KCTD1: variants seen among roughly 807,000 people sequenced by gnomAD.
KCTD1 encodes the protein BTB/POZ domain-containing protein KCTD1.
Under a neutral mutation model 66.0 loss-of-function variants are expected in KCTD1, and 24 were observed. That is an observed-to-expected ratio of 0.36 (90% confidence interval 0.26 to 0.51). KCTD1 has a LOEUF of 0.51. Ranked by LOEUF, KCTD1 falls within the 20% of genes least tolerant of loss-of-function variation. KCTD1 has a pLI of 0.95. For synonymous variants in KCTD1, 511 were observed against 517.2 expected, an observed-to-expected ratio of 0.99 and a Z score of 0.16; for missense variants, 943 against 1,205.2, an observed-to-expected ratio of 0.78 and a Z score of 3.22.
chr18:26,541,740 A>G (rs1195459246), intron 1 of KCTD1, among the ~76,000 whole-genome samples: 2 of 152,156 alleles, frequency 1.3e-5, no homozygotes, highest in Non-Finnish European at 2.9e-5. Context: ...TGGGCATTAG[A>G]TAACACAACC....
At chr18:26,523,026 A>T (rs1339737055) in intron 1 of KCTD1, among the ~76,000 whole-genome samples, 1 of 152,182 alleles carries the variant, frequency 6.6e-6, no homozygotes, top group Non-Finnish European at 1.5e-5. Context: ...ATTAGAGTTA[A>T]AATTATTTTA....
intron 2 of KCTD1, among the ~76,000 whole-genome samples, chr18:26,477,194 T>G (rs899495653): frequency 6.6e-6 from 1 of 152,214 alleles, no homozygotes; most frequent in Non-Finnish European, 1.5e-5. Context: ...TAGAAGAATA[T>G]GTTTTCCACT....
intron 1 of KCTD1, among the ~76,000 whole-genome samples, chr18:26,636,742 C>T (rs1314825274): frequency 3.3e-5 from 5 of 152,314 alleles, no homozygotes; most frequent in South Asian, 4.1e-4. Context: ...GCCTGGCGAG[C>T]GGCTTGAGCT....
chr18:26,569,318 A>G (rs554310663), intron 1 of KCTD1, among the ~76,000 whole-genome samples: 2 of 152,282 alleles, frequency 1.3e-5, no homozygotes, highest in East Asian at 3.9e-4. Context: ...TTCCTTCACT[A>G]CACTACAGCT....
At chr18:26,617,952 A>T (rs1023458449) in intron 1 of KCTD1, among the ~76,000 whole-genome samples, 4 of 152,062 alleles carry the variant, frequency 2.6e-5, no homozygotes, top group Non-Finnish European at 5.9e-5. Flanking sequence ...GAAGACAGAA[A>T]GTCCATGTGA....
intron 1 of KCTD1, among the ~76,000 whole-genome samples, chr18:26,518,329 C>CA (rs1259929281): frequency 1.3e-5 from 2 of 151,628 alleles, no homozygotes; most frequent in Non-Finnish European, 2.9e-5. Context: ...GACAGAGTCT[C>CA]ACTCTGTTGC....
intron 1 of KCTD1, among the ~76,000 whole-genome samples, chr18:26,646,634 T>C (rs897541366): frequency 2.6e-5 from 4 of 152,200 alleles, no homozygotes; most frequent in Non-Finnish European, 5.9e-5. Context: ...CTAAAAGGAA[T>C]CTGGGTGCAT....
chr18:26,531,571 A>G lies in KCTD1; in HGVS notation c.1809+15157T>C, dbSNP rs1037740108. On this transcript the variant is annotated intron_variant, in intron 1 of 4. Coordinates refer to ENST00000580059, the MANE Select transcript of KCTD1 (RefSeq NM_001142730.3). ...AGTATCAAAATTCAAAACGGGAGCT[A>G]TAAAAACAGAATTTCCCTCAGTGTA... Among the ~76,000 whole-genome samples the G allele has an allele frequency of 2.6e-5, 4 of 152,376 alleles. No homozygotes were observed. The East Asian group carries it at 5.8e-4, about 22-fold the overall frequency.
chr18:26,627,207 G>A (rs184588013), intron 1 of KCTD1, among the ~76,000 whole-genome samples: 172 of 151,052 alleles, frequency 1.1e-3, no homozygotes, highest in African/African-American at 4.0e-3. Flanking sequence ...TTTTTCTTAT[G>A]ATTTTGTTGA....
intron 1 of KCTD1, among the ~76,000 whole-genome samples, chr18:26,586,910 A>G (rs539597649): frequency 2.0e-5 from 3 of 152,378 alleles, no homozygotes; most frequent in African/African-American, 7.2e-5. Context: ...GAAAGAAACC[A>G]TCTCCGTAAC....
chr18:26,500,440 A>T (rs10048291), intron 2 of KCTD1, among the ~76,000 whole-genome samples: 5,014 of 152,038 alleles, frequency 0.033, 277 homozygotes, highest in African/African-American at 0.11. Context: ...ATAATAATAA[A>T]AAAAATGGGT....
intron 1 of KCTD1, among the ~76,000 whole-genome samples, chr18:26,572,422 T>A (rs561881506): frequency 1.3e-5 from 2 of 152,174 alleles, no homozygotes; most frequent in Admixed American, 6.5e-5. Context: ...GAAAATTAGG[T>A]AATTCAAGGA....
chr18:26,546,225 T>TAAAA (rs4059262), intron 1 of KCTD1, among the ~76,000 whole-genome samples: 2,023 of 142,062 alleles, frequency 0.014, 87 homozygotes, highest in East Asian at 0.12. Flanking sequence ...CCCTTTTCTT[T>TAAAA]AAAAAAAAAA....
intron 2 of KCTD1, among the ~76,000 whole-genome samples, chr18:26,480,055 T>G (rs1030656929): frequency 2.0e-5 from 3 of 151,790 alleles, no homozygotes; most frequent in African/African-American, 7.3e-5. Flanking sequence ...TTTTTTTTTT[T>G]TTTTTTCACT....
chr18:26,550,095 G>C (rs953801996), upstream of KCTD1, among the ~76,000 whole-genome samples: 1 of 152,116 alleles, frequency 6.6e-6, no homozygotes, highest in African/African-American at 2.4e-5. This position sits in a 1 kb window ranked among gnomAD's most constrained non-coding sequence, Gnocchi z 5.4. Flanking sequence ...GAGTCCCTGG[G>C]GTGAGGGGAC....
chr18:26,649,112 C>A (rs571571192), intron 1 of KCTD1, among the ~76,000 whole-genome samples: 1 of 152,312 alleles, frequency 6.6e-6, no homozygotes, highest in South Asian at 2.1e-4. Context: ...CATTTCACGA[C>A]CCCACATGAG....
upstream of KCTD1, chr18:26,548,594 G>T: frequency 5.0e-6 from 6 of 1,197,116 alleles, no homozygotes; most frequent in Non-Finnish European, 6.2e-6. Flanking sequence ...GGACCGCAGC[G>T]CTGAGAGCTT....
intron 2 of KCTD1, among the ~76,000 whole-genome samples, chr18:26,500,494 A>G (rs1982703616): frequency 6.6e-6 from 1 of 152,172 alleles, no homozygotes; most frequent in Non-Finnish European, 1.5e-5. Context: ...ATAAATGTAT[A>G]CTGCCTACTT....
chr18:26,576,687 C>A (rs529882059), intron 1 of KCTD1, among the ~76,000 whole-genome samples: 67 of 152,236 alleles, frequency 4.4e-4, no homozygotes, highest in South Asian at 1.0e-3. Context: ...TTTAAATATA[C>A]CAACAAAAAT....
Sources: allele counts gnomAD v4.1 joint callset (sites outside exome capture counted in the v4.1 genomes callset), GRCh38; gene constraint gnomAD v4.1.1; non-coding constraint Gnocchi (gnomAD v3.1); transcripts MANE v1.5; gene names NCBI Gene and HGNC (gene_info 2026-07-23, HGNC 2026-07-21).